The following NF2 variants were observed in gnomAD, a reference collection of about 807,000 sequenced individuals.
NF2 encodes merlin.
NF2 carries 8 observed loss-of-function variants against 83.7 expected under a neutral mutation model. The ratio of observed to expected loss-of-function variants is 0.10; its 90% CI spans 0.06 to 0.17. The LOEUF (loss-of-function observed/expected upper bound fraction) is 0.17. Among genes scored for constraint, NF2 ranks in the 10% least tolerant of loss-of-function variants. The pLI, the probability that NF2 is intolerant of heterozygous loss-of-function variation, is 1.00. For missense variants in NF2, 533 were observed against 744.4 expected, an observed-to-expected ratio of 0.72 and a Z score of 3.31; for synonymous variants, 266 against 269.6, an observed-to-expected ratio of 0.99 and a Z score of 0.13.
In NF2 at chr22:29,694,853, G is replaced by T. The variant is rs554849830; in HGVS notation, c.*51G>T. 22 of 1,577,590 alleles carry T rather than the reference G, an allele frequency of 1.4e-5. No individual in the cohort carries two copies. The highest frequency in any genetic ancestry group is 1.8e-5 in the Non-Finnish European group (21 of 1,153,860). ...TGCCACTTCTCCTGCTACCGGGACC[G>T]CGGGATGGACCAGATATCAAGAGAG... is the stretch of plus-strand genomic sequence containing the variant. On this transcript the variant is annotated 3_prime_UTR_variant, in exon 16 of 16. Coordinates refer to ENST00000338641, the MANE Select transcript of NF2 (RefSeq NM_000268.4). This position sits in a 1 kb window ranked among gnomAD's most constrained non-coding sequence, Gnocchi z 4.1.
chr22:29,694,911 G>T lies in NF2; in HGVS notation c.*109G>T, dbSNP rs886057339. On this transcript the variant is annotated 3_prime_UTR_variant, in exon 16 of 16. Transcript: ENST00000338641. The surrounding 1 kb of genome is among the most constrained non-coding windows in gnomAD (Gnocchi z 4.1). ...TAGGGAGCTGGCTGGGGGTTTCCGT[G>T]GGAGCTCCAGAACTTTCCCCAGCTG... 14 of 1,175,596 alleles carry T rather than the reference G, an allele frequency of 1.2e-5. No homozygotes were observed. Among genetic ancestry groups the T allele is most frequent in the Non-Finnish European group, 1.7e-5 (14 of 806,870 alleles). The allele number at this position is 1,175,596 out of a possible 1,614,324, so 72.8% of individuals were successfully genotyped here.
chr22:29,621,469 A>C (rs2146763448), intron 1 of NF2, among the ~76,000 whole-genome samples: 1 of 152,190 alleles, frequency 6.6e-6, no homozygotes, highest in East Asian at 1.9e-4. Context: ...TAAAGAAATA[A>C]CAGCCTGGGC....
chr22:29,673,083 G>A (rs536252654), intron 11 of NF2, among the ~76,000 whole-genome samples, 186 bp from the exon 12 acceptor site: 7 of 152,356 alleles, frequency 4.6e-5, no homozygotes, highest in Admixed American at 2.0e-4. Context: ...GGTGCAGCCC[G>A]AAGGGCCCTT....
At position 29,698,012 on chromosome 22, in the gene NF2, G is replaced by C. The variant is rs1199796595; in HGVS notation, c.*3210G>C. 1 of 227,720 alleles carries C rather than the reference G, an allele frequency of 4.4e-6. No individual in the cohort carries two copies. The highest frequency in any genetic ancestry group is 8.7e-6 in the Non-Finnish European group (1 of 114,498). The allele number at this position is 227,720 out of a possible 1,614,324, so 14.1% of individuals were successfully genotyped here. ...TCAGGCAGAAGCCCCACAGCACCGG[G>C]ACCATTCATGAGGTCACTGCCCAGC... On this transcript the variant is annotated 3_prime_UTR_variant, in exon 16 of 16. Transcript: ENST00000338641.
intron 14 of NF2, among the ~76,000 whole-genome samples, 158 bp downstream of exon 14, chr22:29,678,481 T>C (rs2067034717): frequency 6.6e-6 from 1 of 152,184 alleles, no homozygotes; most frequent in Non-Finnish European, 1.5e-5. Flanking sequence ...AAGAATTTCC[T>C]TAATCAGAAA....
rs2067528562 is a variant in NF2 at position 29,695,599 on chromosome 22, G to A, written c.*797G>A. The A allele has an allele frequency of 4.3e-6, 1 of 234,794 alleles. No individual in the cohort carries two copies. The highest frequency in any genetic ancestry group is 8.4e-6 in the Non-Finnish European group (1 of 119,138). The allele number at this position is 234,794 out of a possible 1,614,324, so 14.5% of individuals were successfully genotyped here. On this transcript the variant is annotated 3_prime_UTR_variant, in exon 16 of 16. Transcript: ENST00000338641. This position sits in a 1 kb window ranked among gnomAD's most constrained non-coding sequence, Gnocchi z 5.4. ...ACTCATGTCTTCCCCATTGCCCGAC[G>A]CCCATAGACGCTCCTTCCTGTGTGG...
chr22:29,653,509 A>C (rs2066214476), intron 4 of NF2, among the ~76,000 whole-genome samples: 1 of 152,160 alleles, frequency 6.6e-6, no homozygotes, highest in African/African-American at 2.4e-5. Flanking sequence ...AATGCAATAC[A>C]ATTCTGCTAT....
At chr22:29,635,221 A>G (rs1025704923) in intron 1 of NF2, among the ~76,000 whole-genome samples, 1 of 152,166 alleles carries the variant, frequency 6.6e-6, no homozygotes, top group African/African-American at 2.4e-5. Context: ...TGAAAAGCCT[A>G]CTTGAAAACT....
chr22:29,619,415 G>T (rs1192284484), intron 1 of NF2, among the ~76,000 whole-genome samples: 1 of 140,772 alleles, frequency 7.1e-6, no homozygotes, highest in East Asian at 2.5e-4. Context: ...TGTTTGTTTT[G>T]AGATGGAGTC....
At chr22:29,624,427 G>A (rs766037250) in intron 1 of NF2, among the ~76,000 whole-genome samples, 106 of 152,008 alleles carry the variant, frequency 7.0e-4, no homozygotes, top group Admixed American at 2.0e-3. Context: ...AGGCTGGCCT[G>A]GAACTCCTAA....
intron 14 of NF2, 103 bp from the exon 15 acceptor site, chr22:29,681,336 C>T: frequency 2.7e-6 from 4 of 1,468,550 alleles, no homozygotes; most frequent in Non-Finnish European, 2.8e-6. Flanking sequence ...CCCCAGGCCT[C>T]AAACCCTAGA....
At position 29,678,301 on chromosome 22, in the gene NF2, T is replaced by G; in HGVS notation, c.1552T>G (p.Ser518Ala). The G allele has an allele frequency of 6.2e-7, 1 of 1,613,998 alleles. No homozygotes were observed. The highest frequency in any genetic ancestry group is 8.5e-7 in the Non-Finnish European group (1 of 1,179,902). Residue 518 changes from serine to alanine, a missense_variant, in exon 14 of 16, where the codon TCC becomes GCC. Coordinates refer to ENST00000338641, the MANE Select transcript of NF2 (RefSeq NM_000268.4). Reference sequence around the variant, plus strand: ...CAAAGATACTGACATGAAGCGGCTTTCCATGGAGATAGAGAAAGAAAAGTA... The same window carrying G: ...CAAAGATACTGACATGAAGCGGCTTGCCATGGAGATAGAGAAAGAAAAGTA... ...DFKDTDMKRL[S>A]MEIEKEKVEY...
chr22:29,674,522 A>T (rs1290409779), intron 12 of NF2, among the ~76,000 whole-genome samples: 1 of 152,198 alleles, frequency 6.6e-6, no homozygotes, highest in South Asian at 2.1e-4. Flanking sequence ...CCAAAAATAA[A>T]GCAGAGAAAG....
chr22:29,686,342 T>C (rs9625850), intron 15 of NF2, among the ~76,000 whole-genome samples: 14,653 of 152,312 alleles, frequency 0.096, 884 homozygotes, highest in South Asian at 0.17. Flanking sequence ...GTAAAAACTT[T>C]TAAAAAGCCA....
intron 1 of NF2, among the ~76,000 whole-genome samples, chr22:29,615,704 C>T (rs1475847126): frequency 6.6e-6 from 1 of 152,126 alleles, no homozygotes; most frequent in Non-Finnish European, 1.5e-5. Context: ...TGCTATACTC[C>T]AGGCTGGGCG....
intron 4 of NF2, among the ~76,000 whole-genome samples, chr22:29,654,456 A>T (rs2066241367): frequency 6.6e-6 from 1 of 152,226 alleles, no homozygotes; most frequent in African/African-American, 2.4e-5. Context: ...CTCTTACAGG[A>T]TTATGCAACT....
intron 7 of NF2, 145 bp from the exon 8 acceptor site, chr22:29,661,060 C>G: frequency 8.3e-7 from 1 of 1,209,976 alleles, no homozygotes; most frequent in East Asian, 2.3e-5. Context: ...CTGAAATCTT[C>G]TTGGTTTATA....
At chr22:29,644,607 C>T (rs2065927488) in intron 4 of NF2, among the ~76,000 whole-genome samples, 1 of 152,106 alleles carries the variant, frequency 6.6e-6, no homozygotes, top group Non-Finnish European at 1.5e-5. Flanking sequence ...CGAGATCACG[C>T]CACTGCACTC....
chr22:29,620,138 A>G (rs1259292355), intron 1 of NF2, among the ~76,000 whole-genome samples: 5 of 152,148 alleles, frequency 3.3e-5, no homozygotes, highest in Non-Finnish European at 5.9e-5. Flanking sequence ...GGGCGCCTGT[A>G]GTCCCAGCTA....
Sources: allele counts gnomAD v4.1 joint callset (sites outside exome capture counted in the v4.1 genomes callset), GRCh38; gene constraint gnomAD v4.1.1; non-coding constraint Gnocchi (gnomAD v3.1); transcripts MANE v1.5; gene names NCBI Gene and HGNC (gene_info 2026-07-23, HGNC 2026-07-21).